Variants in RPS3 observed in about 807,000 individuals in gnomAD.
The protein encoded by RPS3 is ribosomal protein S3, also known as small ribosomal subunit protein uS3.
RPS3 carries 2 observed loss-of-function variants against 25.8 expected under a neutral mutation model. The observed-to-expected ratio is 0.08, with a 90% CI of 0.03 to 0.24. The LOEUF (loss-of-function observed/expected upper bound fraction) is 0.24. RPS3 is among the 10% of genes least tolerant of loss of function. RPS3 has a pLI of 1.00. For missense variants in RPS3, 107 were observed against 307.1 expected (o/e 0.35, Z 4.87); for synonymous variants, 114 against 114.2 (o/e 1.00, Z 0.01).
chr11:75,403,872 G>C, intron 4 of RPS3, 148 bp from the exon 5 acceptor site: 1 of 680,110 alleles, frequency 1.5e-6, no homozygotes, highest in South Asian at 2.0e-5. Flanking sequence ...AATGATAGGT[G>C]TGGAAGAGAA....
chr11:75,418,840 G>A (rs1436879799), intron 6 of RPS3, among the ~76,000 whole-genome samples: 5 of 152,114 alleles, frequency 3.3e-5, no homozygotes, highest in Non-Finnish European at 5.9e-5. Context: ...TTTGTCCACC[G>A]AGCAGGGAGT....
chr11:75,416,603 C>A (rs746200379), intron 6 of RPS3, among the ~76,000 whole-genome samples: 1 of 151,980 alleles, frequency 6.6e-6, no homozygotes, highest in African/African-American at 2.4e-5. Context: ...GGATTACAGG[C>A]ATGCACTAGC....
downstream of RPS3, among the ~76,000 whole-genome samples, chr11:75,409,841 G>A (rs1440027865): frequency 3.6e-5 from 5 of 140,592 alleles, no homozygotes; most frequent in Admixed American, 1.4e-4. Context: ...CCTCCCGGAC[G>A]GGGCGGCTGG....
chr11:75,400,953 G>T (rs1382552095), intron 2 of RPS3, 129 bp downstream of exon 2: 3 of 1,284,982 alleles, frequency 2.3e-6, no homozygotes, highest in Admixed American at 5.9e-5. Context: ...CGCGATCTCG[G>T]CTCACTGCAA....
chr11:75,406,867 A>G lies in RPS3; in HGVS notation c.*1257A>G, dbSNP rs17879240. ...ACTGCAGTTGTAACAGCTATGTAGC[A>G]TGTACATTAGGTATTAAAAGTAATC... is the stretch of plus-strand genomic sequence containing the variant. On this transcript the variant is annotated 3_prime_UTR_variant, in exon 7 of 7. Coordinates refer to ENST00000531188, the MANE Select transcript of RPS3 (RefSeq NM_001005.5). 3 of 152,206 alleles carry G rather than the reference A, an allele frequency of 2.0e-5. No homozygotes were observed. The South Asian group carries it at 6.2e-4, about 31-fold the overall frequency. The allele number at this position is 152,206 out of a possible 1,614,324, so 9.4% of individuals were successfully genotyped here. A position where few individuals can be genotyped will look rare whatever the true frequency, so the allele number is the denominator to read the frequency against.
chr11:75,405,107 T>C, intron 6 of RPS3: 1 of 361,590 alleles, frequency 2.8e-6, no homozygotes, highest in Non-Finnish European at 5.0e-6. Flanking sequence ...GTATATGAAA[T>C]AGTTTTCCCT....
At chr11:75,418,281 C>A (rs945767515) in intron 6 of RPS3, among the ~76,000 whole-genome samples, 7 of 151,744 alleles carry the variant, frequency 4.6e-5, no homozygotes, top group Non-Finnish European at 1.0e-4. Context: ...TGTCCTAATT[C>A]TTACTTTGTT....
At chr11:75,399,829 T>A in intron 1 of RPS3, 1 of 552,614 alleles carries the variant, frequency 1.8e-6, no homozygotes, top group East Asian at 3.1e-5. Context: ...GAGAAGGCGT[T>A]TGTGAGCATT....
chr11:75,401,547 T>C, intron 2 of RPS3, 93 bp from the exon 3 acceptor site: 1 of 887,352 alleles, frequency 1.1e-6, no homozygotes, highest in Non-Finnish European at 1.8e-6. Context: ...TTATATGCTT[T>C]GTGGCAGAGA....
downstream of RPS3, among the ~76,000 whole-genome samples, chr11:75,409,100 A>T (rs916991180): frequency 6.0e-5 from 9 of 150,524 alleles, no homozygotes; most frequent in African/African-American, 2.0e-4. Context: ...TCCCACTTCA[A>T]CCTCCCGGGT....
chr11:75,417,714 TCTCCTGGCCC>T (rs1235230928), intron 6 of RPS3, among the ~76,000 whole-genome samples: 1 of 152,186 alleles, frequency 6.6e-6, no homozygotes, highest in Admixed American at 6.5e-5. Flanking sequence ...CATTGGCTGG[TCTCCTGGCCC>T]CTCCTGGGCC....
intron 6 of RPS3, among the ~76,000 whole-genome samples, chr11:75,413,296 G>T (rs1239200381): frequency 6.6e-6 from 1 of 151,522 alleles, no homozygotes; most frequent in Non-Finnish European, 1.5e-5. Context: ...GCTGGAGTGC[G>T]GTGGTGCGAT....
At chr11:75,408,743 A>C (rs1230821842), downstream of RPS3, among the ~76,000 whole-genome samples, 1 of 152,084 alleles carries the variant, frequency 6.6e-6, no homozygotes, top group East Asian at 1.9e-4. Flanking sequence ...ACAGGGTTTC[A>C]CTATGTTGGC....
intron 1 of RPS3, among the ~76,000 whole-genome samples, chr11:75,400,225 G>A (rs117762510): frequency 3.3e-4 from 50 of 152,338 alleles, no homozygotes; most frequent in Non-Finnish European, 4.7e-4. Context: ...ACATGGCTGG[G>A]ATTCTTTAGA....
Position 75,404,294 on chromosome 11 carries a change from A to G in RPS3, c.538+87A>G, listed in dbSNP as rs1948251810. The G allele has an allele frequency of 8.1e-7, 1 of 1,239,812 alleles. No individual in the cohort carries two copies. Among genetic ancestry groups the G allele is most frequent in the Non-Finnish European group, 1.2e-6 (1 of 857,728 alleles). 76.8% of individuals were successfully genotyped at this position (1,239,812 alleles called of 1,614,324 possible). ...TCTTAAGTATTTGGGGGAGTTTATC[A>G]TGGAAGTAGCTGGGCATGTTCATAT... is the stretch of plus-strand genomic sequence containing the variant. On this transcript the variant is annotated intron_variant, in intron 5 of 6. Transcript: ENST00000531188. This position sits in a 1 kb window ranked among gnomAD's most constrained non-coding sequence, Gnocchi z 4.6.
chr11:75,400,854 T>C, intron 2 of RPS3, 30 bp downstream of exon 2: 1 of 1,598,586 alleles, frequency 6.3e-7, no homozygotes. Context: ...CCATCACCTA[T>C]AATTGTTATA....
At chr11:75,416,458 C>CTTTTTTTTTTTTTTTTT (rs72030839) in intron 6 of RPS3, among the ~76,000 whole-genome samples, 1 of 125,992 alleles carries the variant, frequency 7.9e-6, no homozygotes. Flanking sequence ...TTGATTATTT[C>CTTTTTTTTTTTTTTTTT]TATTTTTTTT....
At chr11:75,410,411 G>C (rs1261099969), downstream of RPS3, among the ~76,000 whole-genome samples, 4,993 of 125,712 alleles carry the variant, frequency 0.04, 250 homozygotes, top group African/African-American at 0.14. Context: ...CAGAGACGCT[G>C]CTCACTTCCT....
downstream of RPS3, among the ~76,000 whole-genome samples, chr11:75,407,655 A>G (rs578256628): frequency 2.8e-4 from 43 of 151,858 alleles, no homozygotes; most frequent in African/African-American, 1.0e-3. Flanking sequence ...TATTTTTAGT[A>G]GAGACGGGGT....
Sources: gnomAD v4.1 joint callset for allele counts (sites outside exome capture counted in the v4.1 genomes callset) on GRCh38, gnomAD v4.1.1 for gene constraint, Gnocchi (gnomAD v3.1) non-coding constraint, MANE v1.5 for transcripts, NCBI Gene and HGNC (gene_info 2026-07-23, HGNC 2026-07-21) for gene names.